RORA: variants seen among roughly 807,000 people sequenced by gnomAD.
The protein encoded by RORA is nuclear receptor ROR-alpha.
RORA carries 7 observed loss-of-function variants against 69.5 expected under a neutral mutation model. That is an observed-to-expected ratio of 0.10 (90% CI 0.06 to 0.19). The LOEUF (loss-of-function observed/expected upper bound fraction) is 0.19, where lower values mean the gene tolerates loss of function less well. Among genes scored for constraint, RORA ranks in the 10% least tolerant of loss-of-function variants. The pLI, the probability that RORA is intolerant of heterozygous loss-of-function variation, is 1.00. For missense variants in RORA, 457 were observed against 663.0 expected, an observed-to-expected ratio of 0.69 and a Z score of 3.41; for synonymous variants, 261 against 240.8, an observed-to-expected ratio of 1.08 and a Z score of -0.78.
chr15:60,926,442 C>T (rs1892220990), intron 1 of RORA, among the ~76,000 whole-genome samples: 1 of 152,208 alleles, frequency 6.6e-6, no homozygotes, highest in Non-Finnish European at 1.5e-5. Flanking sequence ...TAGAGTTATC[C>T]CAGCCCCCAT....
In RORA at chr15:60,637,664, C is replaced by G. The variant is rs1456779281; in HGVS notation, c.196+40993G>C. Among the ~76,000 whole-genome samples, 3 of 152,108 alleles carry G rather than the reference C, an allele frequency of 2.0e-5. No individual in the cohort carries two copies. The South Asian group carries it at 6.2e-4, about 32-fold the overall frequency. On this transcript the variant is annotated intron_variant, in intron 2 of 10. Transcript: ENST00000335670. ...CATCATGCACAATTTATTACTTTTT[C>G]CCCACAGCTTATATATGTATTCTAT... is the stretch of plus-strand genomic sequence containing the variant.
chr15:61,035,017 G>A (rs550642377), intron 1 of RORA, among the ~76,000 whole-genome samples: 4 of 152,116 alleles, frequency 2.6e-5, no homozygotes, highest in East Asian at 1.9e-4. Flanking sequence ...TTAACTATGC[G>A]CATATGTTTG....
At chr15:60,894,217 T>G (rs537383089) in intron 1 of RORA, among the ~76,000 whole-genome samples, 7 of 152,362 alleles carry the variant, frequency 4.6e-5, no homozygotes, top group Admixed American at 2.6e-4. Flanking sequence ...TCAGCGATCA[T>G]TTTTTAACAC....
At chr15:60,603,378 T>C (rs1278007785) in intron 2 of RORA, among the ~76,000 whole-genome samples, 1 of 152,238 alleles carries the variant, frequency 6.6e-6, no homozygotes, top group Non-Finnish European at 1.5e-5. Flanking sequence ...TGCATTCCTA[T>C]CAGCAATGTA....
chr15:61,008,467 T>C (rs1270143600), intron 1 of RORA, among the ~76,000 whole-genome samples: 1 of 152,074 alleles, frequency 6.6e-6, no homozygotes, highest in East Asian at 1.9e-4. Context: ...TGAACAGGAA[T>C]GAGCACAGGT....
At chr15:60,665,082 G>A (rs2070361149) in intron 2 of RORA, among the ~76,000 whole-genome samples, 1 of 152,222 alleles carries the variant, frequency 6.6e-6, no homozygotes, top group African/African-American at 2.4e-5. Flanking sequence ...AACATAGCAA[G>A]TCACGTGTTC....
intron 1 of RORA, among the ~76,000 whole-genome samples, chr15:61,079,780 C>G (rs7171287): frequency 0.2 from 30,536 of 152,112 alleles, 3,240 homozygotes; most frequent in Admixed American, 0.24. Flanking sequence ...GAGTTTTACA[C>G]GAGCTTTACA....
intron 1 of RORA, among the ~76,000 whole-genome samples, chr15:61,145,004 C>T (rs561589348): frequency 1.3e-5 from 2 of 152,156 alleles, no homozygotes; most frequent in East Asian, 3.9e-4. Context: ...TTTGAGATAC[C>T]TATCTATAAA....
At chr15:60,672,350 T>G (rs1357048124) in intron 2 of RORA, among the ~76,000 whole-genome samples, 1 of 152,132 alleles carries the variant, frequency 6.6e-6, no homozygotes, top group East Asian at 1.9e-4. Context: ...TTTAAAAGCA[T>G]TTAAACTGGG....
chr15:60,564,914 GTGGGACTTTAAA>G (rs1200288502), intron 2 of RORA, among the ~76,000 whole-genome samples: 1 of 152,114 alleles, frequency 6.6e-6, no homozygotes, highest in Non-Finnish European at 1.5e-5. Context: ...GCTTCACTTT[GTGGGACTTTAAA>G]TTTAATGCCA....
chr15:60,886,133 G>C (rs1034537401), intron 1 of RORA, among the ~76,000 whole-genome samples: 5 of 152,144 alleles, frequency 3.3e-5, no homozygotes, highest in African/African-American at 1.2e-4. Context: ...TTCAGTAGCC[G>C]AGAAATTGTT....
At chr15:60,991,358 G>A (rs1894370906) in intron 1 of RORA, among the ~76,000 whole-genome samples, 1 of 152,140 alleles carries the variant, frequency 6.6e-6, no homozygotes, top group Admixed American at 6.5e-5. Flanking sequence ...CTGGGTAAGG[G>A]GAGACTCAAA....
At chr15:61,210,800 A>G (rs1277148778) in intron 1 of RORA, among the ~76,000 whole-genome samples, 2 of 152,250 alleles carry the variant, frequency 1.3e-5, no homozygotes, top group Non-Finnish European at 2.9e-5. Context: ...TTCTTTCAGG[A>G]TTCTTACAGA....
chr15:60,551,800 G>A (rs1159611221), intron 2 of RORA, among the ~76,000 whole-genome samples: 3 of 152,340 alleles, frequency 2.0e-5, no homozygotes. Flanking sequence ...GAGAGGTAAA[G>A]TGACTGTCCT....
At chr15:60,745,633 G>T (rs1268570516) in intron 1 of RORA, among the ~76,000 whole-genome samples, 2 of 152,162 alleles carry the variant, frequency 1.3e-5, no homozygotes, top group African/African-American at 2.4e-5. Flanking sequence ...TCACTTTCCT[G>T]GCCGCCTCAA....
Position 60,516,162 on chromosome 15 carries a change from T to TATATATATATTTAA in RORA, c.283-1406_283-1405insTTAAATATATATAT, listed in dbSNP as rs1567052145. Among the ~76,000 whole-genome samples, 5 of 28,928 alleles carry TATATATATATTTAA rather than the reference T, an allele frequency of 1.7e-4. 1 individual carries two copies. The highest frequency in any genetic ancestry group is 7.9e-4 in the African/African-American group (5 of 6,292). 19.0% of individuals were successfully genotyped at this position (28,928 alleles called of 152,430 possible). On this transcript the variant is annotated intron_variant, in intron 3 of 10. Coordinates refer to ENST00000335670, the MANE Select transcript of RORA (RefSeq NM_134261.3). ...TTATATATATTTATATATATATATTTATATATATATTTATATATATATTTA... is the reference window on the plus strand; with the variant it reads ...TTATATATATTTATATATATATATTTATATATATATTTAAATATATATATTTATATATATATTTA...
chr15:60,500,833 A>G, intron 9 of RORA, 126 bp downstream of exon 9: 1 of 514,950 alleles, frequency 1.9e-6, no homozygotes, highest in Non-Finnish European at 3.5e-6. Flanking sequence ...AATCCAATTT[A>G]ATAAGGGTGG....
intron 1 of RORA, among the ~76,000 whole-genome samples, chr15:60,949,704 T>C (rs990116225): frequency 6.6e-6 from 1 of 152,224 alleles, no homozygotes; most frequent in Non-Finnish European, 1.5e-5. Context: ...GTGTTAGAAA[T>C]GGTGTTGACA....
intron 1 of RORA, among the ~76,000 whole-genome samples, chr15:60,883,036 C>G (rs1301257337): frequency 7.1e-6 from 1 of 140,686 alleles, no homozygotes; most frequent in East Asian, 2.1e-4. Context: ...GAGGCTGAGG[C>G]AGGGGAATCA....
Sources: allele counts gnomAD v4.1 joint callset (sites outside exome capture counted in the v4.1 genomes callset), GRCh38; gene constraint gnomAD v4.1.1; transcripts MANE v1.5; gene names NCBI Gene and HGNC (gene_info 2026-07-23, HGNC 2026-07-21).